Variants in NAA35 observed in about 807,000 individuals in gnomAD.
The protein encoded by NAA35 is MAK10 homolog, amino-acid N-acetyltransferase subunit.
In NAA35, 18 loss-of-function variants were observed where a neutral mutation model predicts 101.7. The observed-to-expected ratio is 0.18, with a 90% CI of 0.12 to 0.26. The LOEUF is 0.26. NAA35 is among the 10% of genes least tolerant of loss of function. The pLI, the probability that NAA35 is intolerant of heterozygous loss-of-function variation, is 1.00. For synonymous variants in NAA35, 267 were observed against 273.1 expected (o/e 0.98, Z 0.22); for missense variants, 601 against 886.8 (o/e 0.68, Z 4.09).
At chr9:85,960,016 A>G in intron 5 of NAA35, 149 bp downstream of exon 5, 1 of 525,118 alleles carries the variant, frequency 1.9e-6, no homozygotes, top group South Asian at 3.3e-5. Flanking sequence ...AGGCCTAGTA[A>G]TAGCATTTCA....
At chr9:85,966,591 C>T in intron 6 of NAA35, 1 of 1,229,536 alleles carries the variant, frequency 8.1e-7, no homozygotes, top group Non-Finnish European at 1.1e-6. Flanking sequence ...ACCTCTTGAT[C>T]TCAGATTTCG....
chr9:85,958,372 C>G (rs1214122810), intron 3 of NAA35, 100 bp from the exon 4 acceptor site: 5 of 629,246 alleles, frequency 7.9e-6, no homozygotes. Flanking sequence ...GCATAGAATA[C>G]TTTAGTTATT....
chr9:85,955,565 G>T (rs1829237465), intron 2 of NAA35, among the ~76,000 whole-genome samples: 1 of 151,516 alleles, frequency 6.6e-6, no homozygotes, highest in Admixed American at 6.6e-5. Flanking sequence ...GGGTTTCACT[G>T]TGTTAGCCAG....
chr9:85,994,627 C>T (rs1831077564), intron 11 of NAA35, among the ~76,000 whole-genome samples: 1 of 152,180 alleles, frequency 6.6e-6, no homozygotes, highest in Non-Finnish European at 1.5e-5. Flanking sequence ...TATAGTGTCT[C>T]TCTTGACTAA....
At chr9:85,963,364 G>C (rs148380748) in intron 6 of NAA35, among the ~76,000 whole-genome samples, 1 of 146,596 alleles carries the variant, frequency 6.8e-6, no homozygotes, top group African/African-American at 2.5e-5. Flanking sequence ...TCCATCTCCC[G>C]GGTTCAAGCT....
chr9:85,953,211 C>G (rs1829095963), intron 2 of NAA35, among the ~76,000 whole-genome samples: 2 of 146,528 alleles, frequency 1.4e-5, no homozygotes, highest in Admixed American at 1.4e-4. Context: ...AGACCTGCCT[C>G]AAGAGATTTT....
At chr9:86,021,598 C>T (rs1301582708) in intron 22 of NAA35, among the ~76,000 whole-genome samples, 4 of 152,062 alleles carry the variant, frequency 2.6e-5, no homozygotes. Context: ...GTGTGCTGAC[C>T]CCTGATCTAA....
chr9:85,977,029 C>G (rs570495582), intron 9 of NAA35, among the ~76,000 whole-genome samples: 1 of 152,076 alleles, frequency 6.6e-6, no homozygotes, highest in Non-Finnish European at 1.5e-5. Context: ...GAACCTTTGT[C>G]GAGATTCTAA....
At chr9:85,983,776 G>C (rs1425306800) in intron 11 of NAA35, among the ~76,000 whole-genome samples, 1 of 151,978 alleles carries the variant, frequency 6.6e-6, no homozygotes, top group Non-Finnish European at 1.5e-5. Flanking sequence ...TAACAAACCT[G>C]CATGTTCTGC....
intron 8 of NAA35, 78 bp from the exon 9 acceptor site, chr9:85,976,607 A>G: frequency 1.8e-6 from 2 of 1,102,020 alleles, no homozygotes; most frequent in Non-Finnish European, 2.6e-6. Flanking sequence ...TACTTAAAAA[A>G]TCAGTGTTTT....
At chr9:86,010,301 CTG>C (rs1041833856) in intron 15 of NAA35, among the ~76,000 whole-genome samples, 1 of 151,940 alleles carries the variant, frequency 6.6e-6, no homozygotes, top group Non-Finnish European at 1.5e-5. Flanking sequence ...CCTTCAGTGT[CTG>C]TGCTTTTTTT....
intron 2 of NAA35, among the ~76,000 whole-genome samples, chr9:85,955,349 TATA>T (rs1374676288): frequency 0.026 from 2,174 of 82,074 alleles, 73 homozygotes; most frequent in Non-Finnish European, 0.032. Context: ...TATATATATA[TATA>T]TATATATATT....
At chr9:86,020,668 A>G (rs570494021) in intron 21 of NAA35, among the ~76,000 whole-genome samples, 2 of 152,218 alleles carry the variant, frequency 1.3e-5, no homozygotes, top group South Asian at 2.1e-4. Flanking sequence ...ACACAGTGAG[A>G]TCTTGTCTCT....
At chr9:85,948,534 T>C (rs1828864803) in intron 2 of NAA35, among the ~76,000 whole-genome samples, 1 of 152,156 alleles carries the variant, frequency 6.6e-6, no homozygotes, top group African/African-American at 2.4e-5. Flanking sequence ...TTCTCTCTTG[T>C]TGTGATTGGA....
intron 8 of NAA35, 99 bp downstream of exon 8, chr9:85,975,256 A>C: frequency 8.4e-7 from 1 of 1,197,130 alleles, no homozygotes; most frequent in Non-Finnish European, 1.2e-6. Context: ...TTTCTCCTGT[A>C]TGTGCTTTGT....
intron 6 of NAA35, among the ~76,000 whole-genome samples, chr9:85,972,067 T>A (rs1351607328): frequency 6.6e-6 from 1 of 152,224 alleles, no homozygotes; most frequent in African/African-American, 2.4e-5. Flanking sequence ...GATTAAATTC[T>A]TATTACTGAG....
intron 17 of NAA35, chr9:86,014,428 G>A (rs1325274698): frequency 1.1e-6 from 1 of 872,196 alleles, no homozygotes; most frequent in Admixed American, 6.2e-5. Flanking sequence ...AGGATGTTTG[G>A]AAAAGAGGAT....
chr9:86,003,552 A>G, intron 12 of NAA35, 33 bp from the exon 13 acceptor site: 2 of 1,357,648 alleles, frequency 1.5e-6, no homozygotes, highest in South Asian at 1.2e-5. Flanking sequence ...TTAATCTATT[A>G]ATGACATTGC....
Position 85,996,426 on chromosome 9 carries a change from C to G in NAA35, c.905C>G (p.Pro302Arg). 6.3e-7 allele frequency: 1 copy of G among 1,598,384 alleles called. No homozygotes were observed. The highest frequency in any genetic ancestry group is 8.5e-7 in the Non-Finnish European group (1 of 1,175,818). ...CATCCAATTATGATGGGTTTTGAAC[C>G]CCTTGTGAACCAGAGGCTACTTCCA... ...GDHPIMMGFE[P>R]LVNQRLLPPT... The change falls in exon 12 of 23, where the codon CCC becomes CGC. Residue 302 changes from proline to arginine, a missense_variant. Coordinates refer to ENST00000361671, the MANE Select transcript of NAA35 (RefSeq NM_024635.4).
Sources: allele counts gnomAD v4.1 joint callset (sites outside exome capture counted in the v4.1 genomes callset), GRCh38; gene constraint gnomAD v4.1.1; transcripts MANE v1.5; gene names NCBI Gene and HGNC (gene_info 2026-07-23, HGNC 2026-07-21).